WASL: variants seen among roughly 807,000 people sequenced by gnomAD.
WASL encodes WASP like actin nucleation promoting factor, also known as actin nucleation-promoting factor WASL.
A neutral mutation model predicts 55.5 loss-of-function variants in WASL; 20 were observed. The ratio of observed to expected loss-of-function variants is 0.36; its 90% CI spans 0.25 to 0.52. The LOEUF is 0.52. Ranked by LOEUF, WASL falls within the 20% of genes least tolerant of loss-of-function variation. WASL has a pLI of 0.92. For missense variants in WASL, 504 were observed against 622.5 expected (o/e 0.81, Z 2.03); for synonymous variants, 249 against 217.6 (o/e 1.14, Z -1.27).
At chr7:123,725,268 T>C (rs1804022338) in intron 1 of WASL, among the ~76,000 whole-genome samples, 1 of 152,230 alleles carries the variant, frequency 6.6e-6, no homozygotes, top group African/African-American at 2.4e-5. Flanking sequence ...TATGTAAATT[T>C]AATGTTCTAT....
intron 4 of WASL, among the ~76,000 whole-genome samples, chr7:123,704,891 C>T (rs1209052610): frequency 6.6e-6 from 1 of 152,104 alleles, no homozygotes; most frequent in East Asian, 1.9e-4. Context: ...GACTGGACTA[C>T]AGTGAGCAAA....
chr7:123,726,461 A>G (rs928250911), intron 1 of WASL, among the ~76,000 whole-genome samples: 2 of 152,244 alleles, frequency 1.3e-5, no homozygotes, highest in African/African-American at 4.8e-5. Context: ...CCCTTGGCAT[A>G]GGCCAAGATT....
chr7:123,715,259 T>C (rs1206806008), intron 1 of WASL, among the ~76,000 whole-genome samples: 1 of 152,166 alleles, frequency 6.6e-6, no homozygotes, highest in Non-Finnish European at 1.5e-5. Flanking sequence ...CGGGAATACT[T>C]GCACCTTGTA....
At chr7:123,710,132 T>G (rs1584863526) in intron 1 of WASL, among the ~76,000 whole-genome samples, 1 of 152,062 alleles carries the variant, frequency 6.6e-6, no homozygotes, top group Non-Finnish European at 1.5e-5. Flanking sequence ...TATTCAACCT[T>G]AAGTTTCTAT....
rs146122881 is a variant in WASL, at chr7:123,740,440, G to A, written c.117+8178C>T. Among the ~76,000 whole-genome samples, 377 of 149,330 alleles carry A rather than the reference G, an allele frequency of 2.5e-3. 3 individuals are homozygous for A. The highest frequency in any genetic ancestry group is 8.5e-3 in the African/African-American group (350 of 41,140). ...GAATACTTCTGAGACTACTAACATA[G>A]ATGCAATAAATAAGATTTATTTTGT... is the stretch of plus-strand genomic sequence containing the variant. On this transcript the variant is annotated intron_variant, in intron 1 of 10. Coordinates refer to ENST00000223023, the MANE Select transcript of WASL (RefSeq NM_003941.4).
rs369157737 is a variant in WASL at position 123,748,691 on chromosome 7, G to C, written c.44C>G (p.Thr15Ser). 1.9e-6 allele frequency: 3 copies of C among 1,611,090 alleles called. No individual in the cohort carries two copies. Among genetic ancestry groups the C allele is most frequent in the Non-Finnish European group, 2.5e-6 (3 of 1,178,922 alleles). Residue 15 changes from threonine (T) to serine (S), a missense_variant, in exon 1 of 11, where the codon ACC becomes AGC. Transcript: ENST00000223023. ...GGTGAGCAACAGGGACCCCACGTTG[G>C]TGACCCTCCGCGGCGGCGGCGGCTG... ...QQQPPPPRRVTNVGSLLLTPQ... is the reference protein window; with the variant it reads ...QQQPPPPRRVSNVGSLLLTPQ...
Position 123,692,743 on chromosome 7 carries a change from A to C in WASL, c.951T>G (p.Ala317=). 2 of 1,506,520 alleles carry C rather than the reference A, an allele frequency of 1.3e-6. No individual in the cohort carries two copies. Among genetic ancestry groups the C allele is most frequent in the Non-Finnish European group, 1.8e-6 (2 of 1,129,770 alleles). 93.3% of individuals were successfully genotyped at this position (1,506,520 alleles called of 1,614,324 possible). The change falls in exon 9 of 11, where the codon GCT becomes GCG. Residue 317 remains alanine (A), a synonymous_variant. Coordinates refer to ENST00000223023, the MANE Select transcript of WASL (RefSeq NM_003941.4). ...GCGGTGGTGGAGGTGCAGCTGTGGG[A>C]GCTCTTGAAGGTGGTGGGGGAGGAG... ...RGAPPPPPSR[A]PTAAPPPPPP...
chr7:123,698,142 T>A (rs1803520674), intron 5 of WASL, among the ~76,000 whole-genome samples: 1 of 152,156 alleles, frequency 6.6e-6, no homozygotes, highest in Non-Finnish European at 1.5e-5. Context: ...AATAAATGTT[T>A]GCCATGAGTA....
chr7:123,730,293 G>T (rs765556537), intron 1 of WASL, among the ~76,000 whole-genome samples: 7 of 152,074 alleles, frequency 4.6e-5, no homozygotes, highest in Non-Finnish European at 1.0e-4. Context: ...CGAATAAATG[G>T]TGAATAATTT....
At chr7:123,707,239 C>CA (rs1430335694) in intron 2 of WASL, among the ~76,000 whole-genome samples, 1 of 152,168 alleles carries the variant, frequency 6.6e-6, no homozygotes, top group East Asian at 1.9e-4. Context: ...AATGTACTAT[C>CA]AAACACTGCA....
At position 123,696,684 on chromosome 7, in the gene WASL, T is replaced by C. The variant is rs1418811870; in HGVS notation, c.524A>G (p.Tyr175Cys). 3 of 1,603,600 alleles carry C rather than the reference T, an allele frequency of 1.9e-6. No homozygotes were observed. The highest frequency in any genetic ancestry group is 2.3e-5 in the East Asian group (1 of 44,184). Residue 175 changes from tyrosine to cysteine, a missense_variant, in exon 6 of 11, where the codon TAT becomes TGT. This residue lies in a region of WASL where 230 missense variants were observed against 271.9 expected (regional missense o/e 0.85). Transcript: ENST00000223023. ...GGAGATGTTGTTGACTTGTGGACCA[T>C]AAAATCTATTTGTTGTGATTTCTGG... ...KNPEITTNRFYGPQVNNISHT... is the reference protein window; with the variant it reads ...KNPEITTNRFCGPQVNNISHT...
At chr7:123,686,419 CAGAAACTTATCAGTATCTA>C (rs1488289132) in intron 10 of WASL, among the ~76,000 whole-genome samples, 1 of 151,986 alleles carries the variant, frequency 6.6e-6, no homozygotes, top group Non-Finnish European at 1.5e-5. Context: ...TGACAAAAGA[CAGAAACTTATCAGTATCTA>C]TGGTGAAGAG....
chr7:123,687,316 T>C (rs1237155708), intron 10 of WASL, among the ~76,000 whole-genome samples: 1 of 152,192 alleles, frequency 6.6e-6, no homozygotes, highest in East Asian at 1.9e-4. Context: ...ATATGCAGAA[T>C]AAAAGCTAGT....
Position 123,692,794 on chromosome 7 carries a change from A to C in WASL, c.900T>G (p.Pro300=), listed in dbSNP as rs1803435322. ...PPPPPHNSGP[P]PPPARGRGAP... is the part of the protein sequence containing the mutation. ...CGCCTCTTCCCCTAGCAGGAGGAGG[A>C]GGAGGACCTGAGTTGTGTGGAGGGG... The change falls in exon 9 of 11, where the codon CCT becomes CCG. Residue 300 remains proline, a synonymous_variant. Transcript: ENST00000223023. 3 of 1,470,076 alleles carry C rather than the reference A, an allele frequency of 2.0e-6. No homozygotes were observed. The highest frequency in any genetic ancestry group is 2.8e-5 in the African/African-American group (2 of 70,546). 91.1% of individuals were successfully genotyped at this position (1,470,076 alleles called of 1,614,324 possible).
At chr7:123,685,361 G>A (rs1175851105) in intron 10 of WASL, among the ~76,000 whole-genome samples, 1 of 151,722 alleles carries the variant, frequency 6.6e-6, no homozygotes, top group Non-Finnish European at 1.5e-5. Flanking sequence ...CTCCCTTCAA[G>A]TCACTCTCTC....
Position 123,693,282 on chromosome 7 carries a change from AT to A in WASL, c.827-416del, listed in dbSNP as rs540835549. On this transcript the variant is annotated intron_variant, in intron 8 of 10. Transcript: ENST00000223023. ...CTTTAAAAAAGAATCAAGTACACTT[AT>A]TTTTTTAAGTAAAATCAATTCACAT... Among the ~76,000 whole-genome samples, 181 of 152,314 alleles carry A rather than the reference AT, an allele frequency of 1.2e-3. 7 individuals carry two copies. The South Asian group carries it at 0.034, about 29-fold the overall frequency.
intron 10 of WASL, among the ~76,000 whole-genome samples, chr7:123,687,527 G>T (rs756895458): frequency 2.0e-5 from 3 of 152,116 alleles, no homozygotes; most frequent in Admixed American, 6.5e-5. Flanking sequence ...CTGAACTGCT[G>T]GTCTTTTCTC....
intron 4 of WASL, 113 bp from the exon 5 acceptor site, chr7:123,704,770 G>A: frequency 1.6e-6 from 1 of 632,052 alleles, no homozygotes; most frequent in Non-Finnish European, 2.5e-6. Context: ...GTGTGACTAA[G>A]GAAGATTTTT....
At chr7:123,697,549 T>A (rs1469928405) in intron 5 of WASL, among the ~76,000 whole-genome samples, 1 of 152,206 alleles carries the variant, frequency 6.6e-6, no homozygotes, top group African/African-American at 2.4e-5. Context: ...GGGCAACACA[T>A]GTTCCTCAGA....
Sources: gnomAD v4.1 joint callset for allele counts (sites outside exome capture counted in the v4.1 genomes callset) on GRCh38, gnomAD v4.1.1 for gene constraint, gnomAD v4.1.1 regional missense constraint, MANE v1.5 for transcripts, NCBI Gene and HGNC (gene_info 2026-07-23, HGNC 2026-07-21) for gene names.